The following CWC27 variants were observed in gnomAD, a reference collection of about 807,000 sequenced individuals.
The protein encoded by CWC27 is CWC27 spliceosome associated cyclophilin.
In CWC27, 47 loss-of-function variants were observed where a neutral mutation model predicts 63.6. The ratio of observed to expected loss-of-function variants is 0.74; its 90% confidence interval spans 0.58 to 0.94. The LOEUF (loss-of-function observed/expected upper bound fraction) is 0.94. CWC27 is among the 40% of genes least tolerant of loss of function. The pLI is 0.00. For missense variants in CWC27, 495 were observed against 554.3 expected (o/e 0.89, Z 1.07); for synonymous variants, 175 against 179.8 (o/e 0.97, Z 0.22).
rs143668519 is a variant in CWC27, at chr5:64,919,497, C to T, written c.1042+33951C>T. ...ACCCTATAGGTAGCCTTCCAACCTACACCCTCATCCTACTCCCCACCTCCA... is the reference window on the plus strand; with the variant it reads ...ACCCTATAGGTAGCCTTCCAACCTATACCCTCATCCTACTCCCCACCTCCA... On this transcript the variant is annotated intron_variant, in intron 11 of 13. Transcript: ENST00000381070. 6.6e-5 allele frequency among the ~76,000 whole-genome samples: 10 copies of T among 152,310 alleles called. No homozygotes were observed. In the East Asian group the frequency reaches 1.7e-3, roughly 26 times the overall value.
At chr5:64,853,151 A>G (rs537884870) in intron 10 of CWC27, among the ~76,000 whole-genome samples, 80 of 152,352 alleles carry the variant, frequency 5.3e-4, no homozygotes, top group Non-Finnish European at 1.0e-3. Context: ...GCTCAACAAT[A>G]TGGAAAAACT....
At chr5:64,779,839 C>T (rs1260645414) in intron 2 of CWC27, among the ~76,000 whole-genome samples, 2 of 152,276 alleles carry the variant, frequency 1.3e-5, no homozygotes, top group Non-Finnish European at 2.9e-5. Context: ...ATGAGTGAGT[C>T]TCATGAGATC....
intron 10 of CWC27, among the ~76,000 whole-genome samples, chr5:64,840,372 AAAAAAAAAAAAAAAAAAAAAAAATATAT>A (rs1745774412): frequency 2.6e-5 from 1 of 38,310 alleles, no homozygotes; most frequent in African/African-American, 1.0e-4. Flanking sequence ...TAAAAAAAAA[AAAAAAAAAAAAAAAAAAAAAAAATATAT>A]ATATATATAT....
At chr5:64,844,828 C>A in intron 10 of CWC27, 1 of 448,856 alleles carries the variant, frequency 2.2e-6, no homozygotes, top group Non-Finnish European at 4.5e-6. Flanking sequence ...CTCAACTCTG[C>A]CACAAAGCAA....
At chr5:64,900,741 T>A (rs1214539213) in intron 11 of CWC27, among the ~76,000 whole-genome samples, 1 of 152,194 alleles carries the variant, frequency 6.6e-6, no homozygotes, top group African/African-American at 2.4e-5. Context: ...TACAGTCACA[T>A]ATCCCTTAAC....
At chr5:65,002,766 G>GTT (rs1749755360) in intron 13 of CWC27, among the ~76,000 whole-genome samples, 1 of 152,100 alleles carries the variant, frequency 6.6e-6, no homozygotes, top group African/African-American at 2.4e-5. Context: ...ATCTTCAGCT[G>GTT]TTGGATGAAA....
chr5:64,983,939 C>T (rs1470962775), intron 13 of CWC27, among the ~76,000 whole-genome samples: 1 of 152,180 alleles, frequency 6.6e-6, no homozygotes, highest in African/African-American at 2.4e-5. Context: ...TCAAGTGATT[C>T]TTGTGCCTCA....
chr5:64,864,572 T>C (rs1203121643), intron 10 of CWC27, among the ~76,000 whole-genome samples: 1 of 152,192 alleles, frequency 6.6e-6, no homozygotes, highest in Non-Finnish European at 1.5e-5. Flanking sequence ...AAAGTTAATT[T>C]CCCAGATGTC....
At chr5:64,939,482 T>C (rs1276924075) in intron 11 of CWC27, among the ~76,000 whole-genome samples, 2 of 152,106 alleles carry the variant, frequency 1.3e-5, no homozygotes, top group Non-Finnish European at 2.9e-5. Context: ...TGTTCCTTCT[T>C]CTGGAAGCTT....
chr5:64,862,547 A>G (rs941574732), intron 10 of CWC27, among the ~76,000 whole-genome samples: 1 of 152,182 alleles, frequency 6.6e-6, no homozygotes, highest in African/African-American at 2.4e-5. Context: ...TTATATAACC[A>G]TACTAAAATT....
intron 10 of CWC27, among the ~76,000 whole-genome samples, chr5:64,851,137 G>A (rs1478056720): frequency 6.6e-6 from 1 of 152,204 alleles, no homozygotes; most frequent in Non-Finnish European, 1.5e-5. Context: ...CCAAGTTACG[G>A]ACTCAACTTA....
intron 10 of CWC27, among the ~76,000 whole-genome samples, chr5:64,857,156 A>G (rs1182915528): frequency 1.3e-5 from 2 of 152,188 alleles, no homozygotes; most frequent in African/African-American, 4.8e-5. Context: ...TCTAGGCAGC[A>G]CCATTTATTA....
At chr5:64,875,033 C>T (rs1236087128) in intron 10 of CWC27, among the ~76,000 whole-genome samples, 1 of 151,940 alleles carries the variant, frequency 6.6e-6, no homozygotes, top group Non-Finnish European at 1.5e-5. Flanking sequence ...TATGAAATAA[C>T]ATATTTGATT....
At chr5:64,883,546 G>T (rs1746996050) in intron 10 of CWC27, among the ~76,000 whole-genome samples, 1 of 151,998 alleles carries the variant, frequency 6.6e-6, no homozygotes, top group African/African-American at 2.4e-5. Flanking sequence ...ATGCTAAAAT[G>T]GTATATAAGC....
At chr5:65,008,417 T>C (rs1170490824) in intron 13 of CWC27, among the ~76,000 whole-genome samples, 2 of 152,220 alleles carry the variant, frequency 1.3e-5, no homozygotes, top group Non-Finnish European at 2.9e-5. Context: ...AAAGCAGCAG[T>C]GTACCGTACA....
chr5:64,973,559 A>C (rs1434562857), intron 12 of CWC27, among the ~76,000 whole-genome samples: 1 of 152,240 alleles, frequency 6.6e-6, no homozygotes, highest in East Asian at 1.9e-4. Flanking sequence ...GCCAATCAAA[A>C]TGCCTCCATG....
At chr5:64,955,333 AAGTATTAAAGATATTT>A (rs543484561) in intron 11 of CWC27, among the ~76,000 whole-genome samples, 117 of 152,346 alleles carry the variant, frequency 7.7e-4, no homozygotes, top group African/African-American at 2.7e-3. Flanking sequence ...GAAGAAACCA[AAGTATTAAAGATATTT>A]AGTACTCACC....
In CWC27 at chr5:64,876,069, C is replaced by T. The variant is rs1199547752; in HGVS notation, c.939-9374C>T. Among the ~76,000 whole-genome samples, 4 of 152,148 alleles carry T rather than the reference C, an allele frequency of 2.6e-5. No homozygotes were observed. In the East Asian group the frequency reaches 5.8e-4, roughly 22 times the overall value. ...GCTAGTAATAGGTAGAACAGAGCTT[C>T]GAACACAGAGTGGAGTTTTATTGAC... On this transcript the variant is annotated intron_variant, in intron 10 of 13. Coordinates refer to ENST00000381070, the MANE Select transcript of CWC27 (RefSeq NM_005869.4).
intron 10 of CWC27, among the ~76,000 whole-genome samples, chr5:64,840,390 AAAAAAT>A (rs1745791392): frequency 3.4e-5 from 1 of 29,834 alleles, no homozygotes; most frequent in African/African-American, 1.3e-4. Context: ...AAAAAAAAAA[AAAAAAT>A]ATATATATAT....
Sources: gnomAD v4.1 joint callset for allele counts (sites outside exome capture counted in the v4.1 genomes callset) on GRCh38, gnomAD v4.1.1 for gene constraint, MANE v1.5 for transcripts, NCBI Gene and HGNC (gene_info 2026-07-23, HGNC 2026-07-21) for gene names.